CFAP206: variants seen among roughly 807,000 people sequenced by gnomAD.
The protein encoded by CFAP206 is cilia and flagella associated protein 206, also known as cilia- and flagella-associated protein 206.
Under a neutral mutation model 65.4 loss-of-function variants are expected in CFAP206, and 53 were observed. The observed-to-expected ratio is 0.81, with a 90% CI of 0.65 to 1.02. The LOEUF is 1.02. Ranked by LOEUF, CFAP206 falls within the 50% of genes least tolerant of loss-of-function variation. The pLI is 0.00. For missense variants in CFAP206, 663 were observed against 753.2 expected (o/e 0.88, Z 1.40); for synonymous variants, 250 against 254.4 (o/e 0.98, Z 0.17).
chr6:87,460,476 TA>T (rs1486404211), intron 11 of CFAP206, among the ~76,000 whole-genome samples: 9 of 152,326 alleles, frequency 5.9e-5, no homozygotes, highest in Non-Finnish European at 1.0e-4. Context: ...TGGGGAGGGA[TA>T]TTTGACTTGG....
At chr6:87,451,935 C>T (rs1768552745) in intron 11 of CFAP206, among the ~76,000 whole-genome samples, 1 of 151,862 alleles carries the variant, frequency 6.6e-6, no homozygotes, top group Non-Finnish European at 1.5e-5. Context: ...CAGGATCTAT[C>T]ACTTGCTGAC....
chr6:87,445,520 C>T (rs754002156), intron 11 of CFAP206, among the ~76,000 whole-genome samples: 11 of 151,982 alleles, frequency 7.2e-5, no homozygotes, highest in South Asian at 2.1e-4. Context: ...TCCATGTCCC[C>T]GCAAAGGACA....
chr6:87,417,327 GTACC>G (rs1767851204), intron 6 of CFAP206, among the ~76,000 whole-genome samples: 1 of 151,952 alleles, frequency 6.6e-6, no homozygotes, highest in Non-Finnish European at 1.5e-5. Context: ...ATTTAATGAA[GTACC>G]TACCAGTAGA....
At chr6:87,434,236 T>C (rs1768211719) in intron 10 of CFAP206, among the ~76,000 whole-genome samples, 1 of 152,082 alleles carries the variant, frequency 6.6e-6, no homozygotes, top group Non-Finnish European at 1.5e-5. Flanking sequence ...ACCCCATCTC[T>C]ACAAAAAAGG....
At chr6:87,417,548 C>T (rs1166450117) in intron 6 of CFAP206, among the ~76,000 whole-genome samples, 1 of 145,366 alleles carries the variant, frequency 6.9e-6, no homozygotes, top group Non-Finnish European at 1.5e-5. Context: ...TCTTAACAAA[C>T]GTTCCTTTTT....
intron 2 of CFAP206, 57 bp downstream of exon 2, chr6:87,410,004 T>C: frequency 8.3e-7 from 1 of 1,207,720 alleles, no homozygotes; most frequent in South Asian, 1.3e-5. Context: ...TAAGATGTGG[T>C]GTCCATTTTC....
At chr6:87,433,650 T>G (rs1299552286) in intron 10 of CFAP206, among the ~76,000 whole-genome samples, 1 of 152,216 alleles carries the variant, frequency 6.6e-6, no homozygotes, top group Non-Finnish European at 1.5e-5. Context: ...TATATCTGGA[T>G]AGTGGAAAGT....
intron 11 of CFAP206, among the ~76,000 whole-genome samples, chr6:87,455,384 T>C (rs1173830711): frequency 1.3e-5 from 2 of 152,134 alleles, no homozygotes; most frequent in East Asian, 1.9e-4. Flanking sequence ...GCAATAACTA[T>C]CTACATGAAA....
rs1213691780 is a variant in CFAP206 at position 87,434,933 on chromosome 6, A to T, written c.1374A>T (p.Ser458=). 1.3e-6 allele frequency: 2 copies of T among 1,564,694 alleles called. No individual in the cohort carries two copies. Among genetic ancestry groups the T allele is most frequent in the Admixed American group, 3.4e-5 (2 of 58,212 alleles). Reference sequence around the variant, plus strand: ...TCAATAGTAAAGATGCTGCATATTCATTTGCAGAAAATCCTGAACATTATA... The same window carrying T: ...TCAATAGTAAAGATGCTGCATATTCTTTTGCAGAAAATCCTGAACATTATA... ...YTFNSKDAAY[S]FAENPEHYID... is the part of the protein sequence containing the mutation. Residue 458 remains serine (S), a synonymous_variant, in exon 11 of 13, where the codon TCA becomes TCT. Transcript: ENST00000369562.
intron 1 of CFAP206, 78 bp downstream of exon 1, chr6:87,408,167 G>A (rs1036578921): frequency 1.6e-5 from 12 of 740,188 alleles, no homozygotes; most frequent in African/African-American, 1.9e-5. Context: ...GGCTGGCGGA[G>A]CTCGGGCGGC....
At chr6:87,450,724 T>G (rs886872551) in intron 11 of CFAP206, among the ~76,000 whole-genome samples, 1 of 151,984 alleles carries the variant, frequency 6.6e-6, no homozygotes, top group Non-Finnish European at 1.5e-5. Flanking sequence ...CATAAAAGAA[T>G]TAAAAATCAG....
chr6:87,431,081 C>A lies in CFAP206; in HGVS notation c.1208C>A (p.Pro403Gln), dbSNP rs750143246. 15 of 1,613,856 alleles carry A rather than the reference C, an allele frequency of 9.3e-6. No homozygotes were observed. The East Asian group carries it at 2.7e-4, about 29-fold the overall frequency. ...ADFRKLEWLFPETTANFDKLL... is the reference protein window; with the variant it reads ...ADFRKLEWLFQETTANFDKLL... ...TTCAGAAAACTAGAATGGCTTTTCCCAGAAACAACAGCAAATTTTGATAAA... is the reference window on the plus strand; with the variant it reads ...TTCAGAAAACTAGAATGGCTTTTCCAAGAAACAACAGCAAATTTTGATAAA... The change falls in exon 10 of 13, where the codon CCA becomes CAA. Residue 403 changes from proline (P) to glutamine (Q), a missense_variant. Pro to Gln is a moderately conservative substitution (Grantham distance 76). Coordinates refer to ENST00000369562, the MANE Select transcript of CFAP206 (RefSeq NM_001031743.3).
At chr6:87,434,496 CTTTTTCT>C (rs1768217191) in intron 10 of CFAP206, among the ~76,000 whole-genome samples, 2 of 127,162 alleles carry the variant, frequency 1.6e-5, no homozygotes, top group South Asian at 2.7e-4. Context: ...ATTTCTTTTT[CTTTTTCT>C]TTTTTTTTTT....
Position 87,416,716 on chromosome 6 carries a change from ACT to A in CFAP206, c.523_524del (p.Leu175PhefsTer2). 1 of 1,613,382 alleles carries A rather than the reference ACT, an allele frequency of 6.2e-7. No homozygotes were observed. The highest frequency in any genetic ancestry group is 8.5e-7 in the Non-Finnish European group (1 of 1,179,804). On this transcript the variant is annotated frameshift_variant, in exon 6 of 13. Transcript: ENST00000369562. LOFTEE classifies it high-confidence loss of function. ...FPQAELGTFL[T>X]LSKKDKERQL... ...TCAGGCAGAGCTTGGGACATTTCTA[ACT>A]CTTTCTAAGAAGGACAAAGAACGCC... is the stretch of plus-strand genomic sequence containing the variant.
rs34588434 is a variant in CFAP206 at position 87,428,736 on chromosome 6, C to T, written c.1071C>T (p.His357=). Reference sequence around the variant, plus strand: ...ACATTCAGCCATTCTTGGGTGCTCACGAACTATACTTTCCTGAGAGAGTGA... The same window carrying T: ...ACATTCAGCCATTCTTGGGTGCTCATGAACTATACTTTCCTGAGAGAGTGA... ...FTHIQPFLGA[H]ELYFPERVMQ... The change falls in exon 9 of 13, where the codon CAC becomes CAT. Residue 357 remains histidine, a synonymous_variant. Transcript: ENST00000369562. 4.4e-4 allele frequency: 715 copies of T among 1,614,060 alleles called. 2 individuals are homozygous for T. The African/African-American group carries it at 8.6e-3, about 19-fold the overall frequency.
chr6:87,408,508 GGA>G (rs1767668774), intron 1 of CFAP206: 1 of 71,600 alleles, frequency 1.4e-5, no homozygotes, highest in Non-Finnish European at 3.0e-5. Flanking sequence ...ACACAGATCC[GGA>G]GCGCGCACAC....
chr6:87,444,680 C>T (rs1004981358), intron 11 of CFAP206: 4 of 349,468 alleles, frequency 1.1e-5, no homozygotes, highest in African/African-American at 6.5e-5. Context: ...TCTGGGCTCT[C>T]TCATGCTCTT....
chr6:87,450,007 G>A (rs1339784730), intron 11 of CFAP206, among the ~76,000 whole-genome samples: 5 of 152,150 alleles, frequency 3.3e-5, no homozygotes, highest in Non-Finnish European at 5.9e-5. Context: ...TATGGTGAGA[G>A]ATAGAGGTCT....
rs112263505 is a variant in CFAP206, at chr6:87,428,423, T to C, written c.961-203T>C. Among the ~76,000 whole-genome samples, 618 of 152,218 alleles carry C rather than the reference T, an allele frequency of 4.1e-3. 5 individuals are homozygous for C. The highest frequency in any genetic ancestry group is 0.014 in the African/African-American group (562 of 41,534). ...TTATAATAATCGTACTAAAATAAAA[T>C]GCTTTGAAATAAAATGCAAGTTTAT... is the stretch of plus-strand genomic sequence containing the variant. On this transcript the variant is annotated intron_variant, in intron 8 of 12. Transcript: ENST00000369562.
Sources: gnomAD v4.1 joint callset for allele counts (sites outside exome capture counted in the v4.1 genomes callset) on GRCh38, gnomAD v4.1.1 for gene constraint, MANE v1.5 for transcripts, NCBI Gene and HGNC (gene_info 2026-07-23, HGNC 2026-07-21) for gene names.